RAPGEF5: variants seen among roughly 807,000 people sequenced by gnomAD.
The protein encoded by RAPGEF5 is Rap guanine nucleotide exchange factor 5, also known as M-Ras-regulated GEF.
Under a neutral mutation model 125.2 loss-of-function variants are expected in RAPGEF5, and 65 were observed. The observed-to-expected ratio is 0.52, with a 90% confidence interval of 0.43 to 0.64. RAPGEF5 has a LOEUF of 0.64. RAPGEF5 is among the 30% of genes least tolerant of loss of function. The pLI is 0.00. For missense variants in RAPGEF5, 958 were observed against 1,048.1 expected (o/e 0.91, Z 1.19); for synonymous variants, 391 against 385.9 (o/e 1.01, Z -0.16).
chr7:22,260,311 T>C (rs1265646389), intron 7 of RAPGEF5, among the ~76,000 whole-genome samples: 1 of 152,152 alleles, frequency 6.6e-6, no homozygotes, highest in East Asian at 1.9e-4. Flanking sequence ...GAGGTTCCGT[T>C]ATTGTAAAAA....
At chr7:22,251,297 TACCCTCCAGTGCAA>T (rs67082587) in intron 7 of RAPGEF5, among the ~76,000 whole-genome samples, 29,363 of 152,130 alleles carry the variant, frequency 0.19, 3,096 homozygotes, top group African/African-American at 0.27. Context: ...ACCACTCACG[TACCCTCCAGTGCAA>T]ACCTTTATTT....
intron 6 of RAPGEF5, among the ~76,000 whole-genome samples, chr7:22,267,997 G>A (rs1782325011): frequency 6.6e-6 from 1 of 152,056 alleles, no homozygotes; most frequent in Admixed American, 6.6e-5. Flanking sequence ...TTTACTGGAA[G>A]GCAAGTGTAG....
chr7:22,264,643 CTG>C (rs1417927453), intron 7 of RAPGEF5, among the ~76,000 whole-genome samples: 3 of 152,202 alleles, frequency 2.0e-5, no homozygotes, highest in Non-Finnish European at 4.4e-5. Context: ...CCCAAATACT[CTG>C]TGGATAGCCA....
intron 21 of RAPGEF5, among the ~76,000 whole-genome samples, chr7:22,138,612 T>C (rs866625556): frequency 5.8e-4 from 88 of 152,298 alleles, no homozygotes; most frequent in Middle Eastern, 6.8e-3. Context: ...ATTCGAGTTT[T>C]CTCAGCTACC....
At chr7:22,215,124 C>G (rs1158438158) in intron 9 of RAPGEF5, among the ~76,000 whole-genome samples, 2 of 152,112 alleles carry the variant, frequency 1.3e-5, no homozygotes, top group Non-Finnish European at 2.9e-5. Context: ...TAAAACTTCT[C>G]AGCCCTCAAA....
In RAPGEF5 at chr7:22,291,236, T is replaced by C. The variant is rs1429345649; in HGVS notation, c.686A>G (p.His229Arg). The C allele has an allele frequency of 2.6e-6, 4 of 1,537,340 alleles. No individual in the cohort carries two copies. The highest frequency in any genetic ancestry group is 4.3e-5 in the Admixed American group (2 of 46,662). The change falls in exon 6 of 26, where the codon CAT becomes CGT. Residue 229 changes from histidine (H) to arginine (R), a missense_variant. By Grantham distance (29) the His-to-Arg change is conservative. Transcript: ENST00000665637. ...TTCTTCGGAGTCTTCAATTTTCTGATGAGACCTAAAAAAAAAAAAAAGAAC... is the reference window on the plus strand; with the variant it reads ...TTCTTCGGAGTCTTCAATTTTCTGACGAGACCTAAAAAAAAAAAAAAGAAC... Reference protein sequence around the residue: ...PARGGICELSHQKIEDSEESS... With the variant: ...PARGGICELSRQKIEDSEESS...
intron 1 of RAPGEF5, among the ~76,000 whole-genome samples, chr7:22,322,869 G>A (rs769392714): frequency 1.5e-4 from 23 of 152,188 alleles, no homozygotes; most frequent in Non-Finnish European, 2.5e-4. Flanking sequence ...CCAGGTTTCA[G>A]GAGAACTGTA....
intron 11 of RAPGEF5, among the ~76,000 whole-genome samples, chr7:22,169,733 G>A (rs71526390): frequency 0.09 from 13,558 of 149,946 alleles, 784 homozygotes; most frequent in East Asian, 0.28. Context: ...GGTGGCATAT[G>A]CCTATAATCC....
chr7:22,353,958 T>A (rs11984205), intron 1 of RAPGEF5, among the ~76,000 whole-genome samples: 1 of 152,066 alleles, frequency 6.6e-6, no homozygotes, highest in East Asian at 1.9e-4. Flanking sequence ...TGTATCCCAG[T>A]TCCTCAGGAG....
intron 24 of RAPGEF5, among the ~76,000 whole-genome samples, chr7:22,126,733 C>T (rs1583382803): frequency 1.3e-5 from 2 of 150,564 alleles, no homozygotes; most frequent in South Asian, 4.3e-4. Context: ...CCTGCCTCAG[C>T]CTCCTGAGTA....
At chr7:22,224,769 C>G (rs1262320362) in intron 8 of RAPGEF5, among the ~76,000 whole-genome samples, 1 of 152,084 alleles carries the variant, frequency 6.6e-6, no homozygotes, top group Non-Finnish European at 1.5e-5. Flanking sequence ...GCTAAGCTCC[C>G]ACAGACTCGA....
At chr7:22,289,962 C>A (rs1384954902) in intron 6 of RAPGEF5, among the ~76,000 whole-genome samples, 2 of 152,222 alleles carry the variant, frequency 1.3e-5, no homozygotes, top group African/African-American at 4.8e-5. Flanking sequence ...TTTCCTGAGG[C>A]CTCCCCAAAC....
intron 5 of RAPGEF5, among the ~76,000 whole-genome samples, chr7:22,300,793 G>A (rs1346836620): frequency 6.6e-6 from 1 of 152,164 alleles, no homozygotes; most frequent in Non-Finnish European, 1.5e-5. Context: ...CCACCACAGA[G>A]CTCTGAACCT....
intron 1 of RAPGEF5, among the ~76,000 whole-genome samples, chr7:22,352,503 G>C (rs1784348745): frequency 6.6e-6 from 1 of 152,126 alleles, no homozygotes; most frequent in African/African-American, 2.4e-5. Context: ...GATGCACTTA[G>C]AATATCTTGC....
At chr7:22,325,127 C>G (rs1783788293) in intron 1 of RAPGEF5, among the ~76,000 whole-genome samples, 1 of 152,194 alleles carries the variant, frequency 6.6e-6, no homozygotes. Context: ...GAAGTCCAAC[C>G]AAGCCCTGAG....
chr7:22,271,664 G>T (rs189640722), intron 6 of RAPGEF5, among the ~76,000 whole-genome samples: 39 of 152,272 alleles, frequency 2.6e-4, no homozygotes, highest in Non-Finnish European at 4.7e-4. Flanking sequence ...AATAGAGGAC[G>T]ATTAAAGGAC....
chr7:22,196,178 A>C (rs190822665), intron 9 of RAPGEF5, among the ~76,000 whole-genome samples: 12 of 152,364 alleles, frequency 7.9e-5, no homozygotes, highest in African/African-American at 2.6e-4. Flanking sequence ...GTACAAAGGG[A>C]AATATGTTAT....
chr7:22,326,180 G>T (rs1414495017), intron 1 of RAPGEF5, among the ~76,000 whole-genome samples: 2 of 152,150 alleles, frequency 1.3e-5, no homozygotes, highest in African/African-American at 2.4e-5. Context: ...ATGAAAGGAA[G>T]AATTCAGGAT....
At chr7:22,147,132 T>C in intron 18 of RAPGEF5, 113 bp from the exon 19 acceptor site, 2 of 1,337,654 alleles carry the variant, frequency 1.5e-6, no homozygotes, top group Middle Eastern at 1.9e-4. Flanking sequence ...CTTTTCTGAG[T>C]GCACTTAATA....
Sources: gnomAD v4.1 joint callset for allele counts (sites outside exome capture counted in the v4.1 genomes callset) on GRCh38, gnomAD v4.1.1 for gene constraint, MANE v1.5 for transcripts, NCBI Gene and HGNC (gene_info 2026-07-23, HGNC 2026-07-21) for gene names.